CADM2: variants seen among roughly 807,000 people sequenced by gnomAD.
CADM2 encodes cell adhesion molecule 2, also known as immunoglobulin superfamily member 4D.
CADM2 carries 12 observed loss-of-function variants against 49.8 expected under a neutral mutation model. The ratio of observed to expected loss-of-function variants is 0.24; its 90% confidence interval spans 0.15 to 0.39. The LOEUF (loss-of-function observed/expected upper bound fraction) is 0.39, where lower values mean the gene tolerates loss of function less well. Among genes scored for constraint, CADM2 ranks in the 10% least tolerant of loss-of-function variants. CADM2 has a pLI of 1.00. For synonymous variants in CADM2, 214 were observed against 175.4 expected (o/e 1.22, Z -1.74); for missense variants, 378 against 492.3 (o/e 0.77, Z 2.20).
At chr3:85,822,903 A>G (rs988641924) in intron 3 of CADM2, among the ~76,000 whole-genome samples, 1 of 152,198 alleles carries the variant, frequency 6.6e-6, no homozygotes, top group African/African-American at 2.4e-5. Flanking sequence ...GAACCATGTC[A>G]TAAATAATTG....
intron 8 of CADM2, among the ~76,000 whole-genome samples, chr3:86,060,313 C>A (rs1738477070): frequency 6.6e-6 from 1 of 151,940 alleles, no homozygotes; most frequent in African/African-American, 2.4e-5. Context: ...AAATTAAATA[C>A]ATCAATGAAA....
intron 1 of CADM2, among the ~76,000 whole-genome samples, chr3:85,674,978 G>T (rs956901494): frequency 2.0e-5 from 3 of 152,092 alleles, no homozygotes; most frequent in African/African-American, 4.8e-5. Flanking sequence ...TTTGCACTGA[G>T]TATAGAAAAA....
At chr3:85,375,517 G>T (rs9876280) in intron 1 of CADM2, among the ~76,000 whole-genome samples, 150 of 152,258 alleles carry the variant, frequency 9.9e-4, no homozygotes, top group African/African-American at 3.5e-3. Flanking sequence ...ATTATTACAA[G>T]TATGTAAAAA....
chr3:85,274,014 CT>C (rs1390249540), intron 1 of CADM2, among the ~76,000 whole-genome samples: 2 of 151,362 alleles, frequency 1.3e-5, no homozygotes, highest in South Asian at 4.2e-4. Flanking sequence ...ACAGAAACTA[CT>C]TCAAGAAGGA....
At chr3:85,553,163 C>G (rs2061858046) in intron 1 of CADM2, among the ~76,000 whole-genome samples, 1 of 151,760 alleles carries the variant, frequency 6.6e-6, no homozygotes, top group African/African-American at 2.4e-5. Context: ...AAGAGAAAAA[C>G]AAAACAAAAT....
intron 1 of CADM2, among the ~76,000 whole-genome samples, chr3:85,060,555 T>C (rs547841096): frequency 9.7e-4 from 148 of 152,364 alleles, no homozygotes; most frequent in African/African-American, 3.5e-3. Context: ...AAAATATTTA[T>C]TTTAAGCTTT....
intron 1 of CADM2, among the ~76,000 whole-genome samples, chr3:85,726,028 A>G (rs1203813016): frequency 6.6e-6 from 1 of 151,984 alleles, no homozygotes; most frequent in African/African-American, 2.4e-5. Context: ...AAGGGCAACA[A>G]AACTTACTTC....
rs577735526 is a variant in CADM2 at position 85,585,062 on chromosome 3, A to G, written c.62-141460A>G. Reference sequence around the variant, plus strand: ...GGAAACTTCTAGAAATCAACAATTCATACCTCTTAAATTGCATGCCATTCT... The same window carrying G: ...GGAAACTTCTAGAAATCAACAATTCGTACCTCTTAAATTGCATGCCATTCT... On this transcript the variant is annotated intron_variant, in intron 1 of 9. Transcript: ENST00000383699. 1.7e-3 allele frequency among the ~76,000 whole-genome samples: 261 copies of G among 152,106 alleles called. 1 individual carries two copies. The highest frequency in any genetic ancestry group is 6.0e-3 in the African/African-American group (250 of 41,530).
At chr3:85,961,763 G>A in intron 8 of CADM2, 116 bp downstream of exon 8, 1 of 518,440 alleles carries the variant, frequency 1.9e-6, no homozygotes, top group Non-Finnish European at 3.2e-6. Flanking sequence ...TTTTACTTCA[G>A]GACATCTTAT....
chr3:86,046,576 T>C (rs1190474906), intron 8 of CADM2, among the ~76,000 whole-genome samples: 2 of 152,028 alleles, frequency 1.3e-5, no homozygotes, highest in African/African-American at 4.8e-5. Context: ...TTAAACATCC[T>C]ATGAGGAACA....
chr3:85,204,930 T>G (rs114116252), intron 1 of CADM2, among the ~76,000 whole-genome samples: 4,414 of 152,028 alleles, frequency 0.029, 96 homozygotes, highest in Middle Eastern at 0.055. Flanking sequence ...TTTCCTAAAT[T>G]ATTATGTAAT....
intron 1 of CADM2, among the ~76,000 whole-genome samples, chr3:85,049,331 A>G (rs189379076): frequency 1.5e-4 from 9 of 60,554 alleles, no homozygotes; most frequent in African/African-American, 2.9e-4. Flanking sequence ...GGTTTAGTTT[A>G]TTTATTTATT....
At chr3:85,005,275 A>C (rs1337916831) in intron 1 of CADM2, among the ~76,000 whole-genome samples, 1 of 152,136 alleles carries the variant, frequency 6.6e-6, no homozygotes, top group Non-Finnish European at 1.5e-5. Flanking sequence ...AGCCACAAAT[A>C]ATGTGTAAAA....
intron 1 of CADM2, among the ~76,000 whole-genome samples, chr3:85,549,588 G>T (rs186102162): frequency 6.6e-6 from 1 of 152,004 alleles, no homozygotes; most frequent in Admixed American, 6.6e-5. Flanking sequence ...ACATTTCAAT[G>T]TTTACACTCT....
At chr3:85,262,299 T>A (rs1470843444) in intron 1 of CADM2, among the ~76,000 whole-genome samples, 1 of 152,074 alleles carries the variant, frequency 6.6e-6, no homozygotes, top group African/African-American at 2.4e-5. Context: ...TCTAGAGAAA[T>A]TTTTGAATCT....
chr3:85,188,914 C>A (rs1263864141), intron 1 of CADM2, among the ~76,000 whole-genome samples: 4 of 151,758 alleles, frequency 2.6e-5, no homozygotes, highest in Non-Finnish European at 4.4e-5. Flanking sequence ...ACTTGTAGTC[C>A]CAGCTACTCG....
At chr3:85,676,688 TA>T (rs917887761) in intron 1 of CADM2, among the ~76,000 whole-genome samples, 2 of 152,110 alleles carry the variant, frequency 1.3e-5, no homozygotes, top group African/African-American at 2.4e-5. Context: ...GCCTATTCAT[TA>T]AAAAAACATG....
At chr3:85,252,317 A>G (rs2042794242) in intron 1 of CADM2, among the ~76,000 whole-genome samples, 1 of 151,962 alleles carries the variant, frequency 6.6e-6, no homozygotes, top group Non-Finnish European at 1.5e-5. Flanking sequence ...GCTCAAAATG[A>G]TTATATGACA....
intron 1 of CADM2, among the ~76,000 whole-genome samples, chr3:85,576,843 C>A (rs1030279232): frequency 9.2e-5 from 14 of 152,048 alleles, no homozygotes; most frequent in Non-Finnish European, 1.9e-4. Flanking sequence ...GACTATACCA[C>A]CCTCCCTTTT....
Sources: allele counts gnomAD v4.1 joint callset (sites outside exome capture counted in the v4.1 genomes callset), GRCh38; gene constraint gnomAD v4.1.1; transcripts MANE v1.5; gene names NCBI Gene and HGNC (gene_info 2026-07-23, HGNC 2026-07-21).